Variants in ATP2B2 observed in about 807,000 individuals in gnomAD.
The protein encoded by ATP2B2 is ATPase plasma membrane Ca2+ transporting 2.
A neutral mutation model predicts 120.0 loss-of-function variants in ATP2B2; 15 were observed. That is an observed-to-expected ratio of 0.12 (90% CI 0.08 to 0.19). The LOEUF (loss-of-function observed/expected upper bound fraction) is 0.19. ATP2B2 is among the 10% of genes least tolerant of loss of function. The pLI is 1.00. For synonymous variants in ATP2B2, 694 were observed against 700.3 expected, an observed-to-expected ratio of 0.99 and a Z score of 0.14; for missense variants, 1,045 against 1,719.8, an observed-to-expected ratio of 0.61 and a Z score of 6.94.
rs142241023 is a variant in ATP2B2 at position 10,362,002 on chromosome 3, A to AC, written c.1660-1880dup. Among the ~76,000 whole-genome samples, 119 of 152,094 alleles carry AC rather than the reference A, an allele frequency of 7.8e-4. 4 individuals carry two copies. The East Asian group carries it at 0.018, about 22-fold the overall frequency. On this transcript the variant is annotated intron_variant, in intron 12 of 22. Coordinates refer to ENST00000360273, the MANE Select transcript of ATP2B2 (RefSeq NM_001001331.4). The stretch of plus-strand genomic sequence containing the variant: ...AGATTTGCAGGTGGCTCCCATGTGC[A>AC]CCCCCCAACCCCAATGCACACACCC...
chr3:10,462,442 C>T (rs888091898), intron 1 of ATP2B2, among the ~76,000 whole-genome samples: 2 of 152,248 alleles, frequency 1.3e-5, no homozygotes, highest in African/African-American at 4.8e-5. Context: ...CCTCAGCCCC[C>T]TGGCTCTCTA....
chr3:10,651,757 A>G (rs1343181608), intron 1 of ATP2B2, among the ~76,000 whole-genome samples: 6 of 151,824 alleles, frequency 4.0e-5, no homozygotes. Flanking sequence ...GGATGGATGG[A>G]TGGATGGATG....
chr3:10,418,320 A>G (rs1385219962), intron 2 of ATP2B2, among the ~76,000 whole-genome samples: 2 of 152,252 alleles, frequency 1.3e-5, no homozygotes, highest in Non-Finnish European at 2.9e-5. Context: ...CAGAATAAAG[A>G]AAAGGCTATT....
At chr3:10,461,744 C>A (rs2064500169) in intron 1 of ATP2B2, among the ~76,000 whole-genome samples, 2 of 152,140 alleles carry the variant, frequency 1.3e-5, no homozygotes, top group Non-Finnish European at 2.9e-5. Flanking sequence ...CTCTTGTAGC[C>A]CACACTTTCC....
At chr3:10,352,723 T>C (rs2060613997) in intron 14 of ATP2B2, among the ~76,000 whole-genome samples, 1 of 152,194 alleles carries the variant, frequency 6.6e-6, no homozygotes. Flanking sequence ...AGTGGGAATG[T>C]GGAATGTCCA....
chr3:10,482,163 A>AGC (rs1378122433), intron 1 of ATP2B2, among the ~76,000 whole-genome samples: 26 of 152,206 alleles, frequency 1.7e-4, no homozygotes, highest in Admixed American at 1.6e-3. Flanking sequence ...TGGATGAGTG[A>AGC]GCGCAGGCCC....
intron 3 of ATP2B2, among the ~76,000 whole-genome samples, chr3:10,519,729 A>G (rs2066945181): frequency 6.6e-6 from 1 of 152,236 alleles, no homozygotes; most frequent in Admixed American, 6.5e-5. Context: ...CAAGAGAACA[A>G]ATATTGTTTG....
At chr3:10,411,329 C>A (rs2062603157) in intron 2 of ATP2B2, among the ~76,000 whole-genome samples, 1 of 152,188 alleles carries the variant, frequency 6.6e-6, no homozygotes, top group South Asian at 2.1e-4. Flanking sequence ...GCCCTGCTGA[C>A]ACCTGATTTC....
At chr3:10,565,815 G>A (rs189270556) in intron 2 of ATP2B2, among the ~76,000 whole-genome samples, 2 of 152,328 alleles carry the variant, frequency 1.3e-5, no homozygotes, top group East Asian at 3.9e-4. Context: ...GAACTCTGGA[G>A]TTAGAGTGGC....
intron 12 of ATP2B2, among the ~76,000 whole-genome samples, chr3:10,369,024 G>C (rs934727805): frequency 2.6e-5 from 4 of 152,222 alleles, no homozygotes; most frequent in Non-Finnish European, 4.4e-5. Flanking sequence ...AGAAGACACA[G>C]AGGAACTGGC....
At chr3:10,483,288 C>G (rs1190151057) in intron 1 of ATP2B2, among the ~76,000 whole-genome samples, 1 of 152,234 alleles carries the variant, frequency 6.6e-6, no homozygotes, top group African/African-American at 2.4e-5. Context: ...TAATGACTGG[C>G]GTAGGTCCCA....
At chr3:10,631,065 C>A (rs2069850918) in intron 1 of ATP2B2, among the ~76,000 whole-genome samples, 1 of 152,202 alleles carries the variant, frequency 6.6e-6, no homozygotes, top group Non-Finnish European at 1.5e-5. Context: ...GGTTTGCAGC[C>A]CAGCTGCGTG....
At chr3:10,616,439 T>G (rs2069388647) in intron 2 of ATP2B2, among the ~76,000 whole-genome samples, 1 of 152,132 alleles carries the variant, frequency 6.6e-6, no homozygotes, top group Non-Finnish European at 1.5e-5. Context: ...TCTAGAACTG[T>G]GAGAAATGAA....
At chr3:10,702,664 C>A (rs79310057) in intron 1 of ATP2B2, among the ~76,000 whole-genome samples, 3,911 of 152,230 alleles carry the variant, frequency 0.026, 103 homozygotes, top group East Asian at 0.087. Flanking sequence ...TTGGGCTCTG[C>A]CCAGCACAAT....
At chr3:10,384,438 TA>T (rs1408160999) in intron 8 of ATP2B2, among the ~76,000 whole-genome samples, 6 of 152,186 alleles carry the variant, frequency 3.9e-5, no homozygotes, top group African/African-American at 1.4e-4. Context: ...TATTTGGGGA[TA>T]GGGGTGGTAT....
chr3:10,343,956 C>CA lies in ATP2B2; in HGVS notation c.2704-992dup, dbSNP rs1235551040. On this transcript the variant is annotated intron_variant, in intron 18 of 22. Coordinates refer to ENST00000360273, the MANE Select transcript of ATP2B2 (RefSeq NM_001001331.4). The surrounding 1 kb of genome is among the most constrained non-coding windows in gnomAD (Gnocchi z 4.2). The stretch of plus-strand genomic sequence containing the variant: ...AGGAAGCCCCCAGACCCTGTAAGCT[C>CA]AACAGCCCAAACCCGATGCTCTTCC... 5.3e-5 allele frequency among the ~76,000 whole-genome samples: 8 copies of CA among 151,932 alleles called. No homozygotes were observed. The highest frequency in any genetic ancestry group is 2.9e-5 in the Non-Finnish European group (2 of 67,980).
At chr3:10,407,675 A>C (rs9862731) in intron 3 of ATP2B2, among the ~76,000 whole-genome samples, 18,522 of 152,214 alleles carry the variant, frequency 0.12, 3,652 homozygotes, top group African/African-American at 0.41. Flanking sequence ...CTGTGGCTCT[A>C]ATATGCTCAC....
rs944952149 is a variant in ATP2B2, at chr3:10,398,995, C to T, written c.781+1958G>A. 2.0e-5 allele frequency among the ~76,000 whole-genome samples: 3 copies of T among 152,192 alleles called. No homozygotes were observed. In the East Asian group the frequency reaches 5.8e-4, roughly 29 times the overall value. ...GTATCTTTTCCAGGGTCTCTCTGCA[C>T]CTGTGCCCTCCTCCTTGGCTGGTTT... is the stretch of plus-strand genomic sequence containing the variant. On this transcript the variant is annotated intron_variant, in intron 5 of 22. Coordinates refer to ENST00000360273, the MANE Select transcript of ATP2B2 (RefSeq NM_001001331.4).
intron 1 of ATP2B2, among the ~76,000 whole-genome samples, chr3:10,452,914 C>G (rs1287990889): frequency 1.3e-5 from 2 of 152,178 alleles, no homozygotes; most frequent in Non-Finnish European, 2.9e-5. Flanking sequence ...GAACATTTAC[C>G]ACCCACACCT....
Sources: gnomAD v4.1 joint callset for allele counts (sites outside exome capture counted in the v4.1 genomes callset) on GRCh38, gnomAD v4.1.1 for gene constraint, Gnocchi (gnomAD v3.1) non-coding constraint, MANE v1.5 for transcripts, NCBI Gene and HGNC (gene_info 2026-07-23, HGNC 2026-07-21) for gene names.